Variants in RNF220 observed in about 807,000 individuals in gnomAD.
RNF220 encodes ring finger protein 220, also known as E3 ubiquitin-protein ligase RNF220.
RNF220 carries 7 observed loss-of-function variants against 67.1 expected under a neutral mutation model. The ratio of observed to expected loss-of-function variants is 0.10; its 90% CI spans 0.06 to 0.20. The LOEUF is 0.20. RNF220 is among the 10% of genes least tolerant of loss of function. The pLI, the probability that RNF220 is intolerant of heterozygous loss-of-function variation, is 1.00. For missense variants in RNF220, 565 were observed against 740.3 expected, an observed-to-expected ratio of 0.76 and a Z score of 2.75; for synonymous variants, 270 against 283.2, an observed-to-expected ratio of 0.95 and a Z score of 0.47.
intron 2 of RNF220, among the ~76,000 whole-genome samples, chr1:44,599,144 G>T (rs1424287807): frequency 3.3e-5 from 5 of 151,908 alleles, no homozygotes; most frequent in Non-Finnish European, 5.9e-5. Context: ...AGCTACTCTG[G>T]GCACACTGCC....
At chr1:44,430,348 GA>G (rs1457649186) in intron 2 of RNF220, among the ~76,000 whole-genome samples, 1 of 151,892 alleles carries the variant, frequency 6.6e-6, no homozygotes, top group Non-Finnish European at 1.5e-5. Flanking sequence ...AGGATATTAG[GA>G]AAAAACTAAG....
chr1:44,554,406 TCC>T lies in RNF220; in HGVS notation c.626-59756_626-59755del, dbSNP rs1662907961. The stretch of plus-strand genomic sequence containing the variant: ...TACCCTTACTCCTTTGCTGTCTTAC[TCC>T]CCTAGCCTAGAACTGGATCCCAAGC... On this transcript the variant is annotated intron_variant, in intron 2 of 14. Coordinates refer to ENST00000361799, the MANE Select transcript of RNF220 (RefSeq NM_018150.4). Among the ~76,000 whole-genome samples the T allele has an allele frequency of 2.6e-5, 4 of 151,770 alleles. No individual in the cohort carries two copies. The South Asian group carries it at 8.3e-4, about 31-fold the overall frequency.
At chr1:44,602,768 C>T (rs1414468725) in intron 2 of RNF220, among the ~76,000 whole-genome samples, 5 of 152,106 alleles carry the variant, frequency 3.3e-5, no homozygotes, top group Non-Finnish European at 7.4e-5. Flanking sequence ...CCACCCCATC[C>T]GGCCTGAGTG....
chr1:44,631,992 G>C, intron 5 of RNF220: 1 of 1,008,982 alleles, frequency 9.9e-7, no homozygotes, highest in Non-Finnish European at 1.2e-6. Context: ...CGCCGCCGCC[G>C]CTTGGAGCTG....
chr1:44,412,347 G>C lies in RNF220; in HGVS notation c.250G>C (p.Ala84Pro). 6.2e-7 allele frequency: 1 copy of C among 1,614,104 alleles called. No homozygotes were observed. Among genetic ancestry groups the C allele is most frequent in the Non-Finnish European group, 8.5e-7 (1 of 1,180,006 alleles). The change falls in exon 2 of 15, where the codon GCC (alanine) becomes CCC (proline). Residue 84 changes from alanine to proline, a missense_variant. Coordinates refer to ENST00000361799, the MANE Select transcript of RNF220 (RefSeq NM_018150.4). The surrounding 1 kb of genome is among the most constrained non-coding windows in gnomAD (Gnocchi z 5.3). ...HRQGGVPGTF[A>P]NRDFPPSLLH... ...GCAAGGTGGGGTGCCAGGCACTTTT[G>C]CCAATCGTGATTTCCCCCCTTCTCT...
chr1:44,417,490 G>A lies in RNF220; in HGVS notation c.625+4768G>A, dbSNP rs1245505963. On this transcript the variant is annotated intron_variant, in intron 2 of 14. Coordinates refer to ENST00000361799, the MANE Select transcript of RNF220 (RefSeq NM_018150.4). The surrounding 1 kb of genome is among the most constrained non-coding windows in gnomAD (Gnocchi z 4.0). ...CGGCGCGCCGCTCGCCTGGCGGCTG[G>A]GCTCGCTGTAGTTGTGCTCCCGCTC... Among the ~76,000 whole-genome samples, 1 of 152,090 alleles carries A rather than the reference G, an allele frequency of 6.6e-6. No homozygotes were observed. Among genetic ancestry groups the A allele is most frequent in the Non-Finnish European group, 1.5e-5 (1 of 68,006 alleles).
chr1:44,440,470 A>C (rs1538885), intron 2 of RNF220, among the ~76,000 whole-genome samples: 152,309 of 152,350 alleles, frequency 1, 76,134 homozygotes, highest in Non-Finnish European at 1. Flanking sequence ...GCCAGTTGCT[A>C]TTACAGAGAA....
chr1:44,520,085 TTGTGTGTGTG>T (rs1167831790), intron 2 of RNF220, among the ~76,000 whole-genome samples: 29 of 106,462 alleles, frequency 2.7e-4, no homozygotes, highest in African/African-American at 5.9e-4. Flanking sequence ...AAGTCCAGCA[TTGTGTGTGTG>T]TGTGTGTGTG....
intron 2 of RNF220, among the ~76,000 whole-genome samples, chr1:44,479,913 C>T (rs7538340): frequency 6.6e-6 from 1 of 152,188 alleles, no homozygotes; most frequent in African/African-American, 2.4e-5. Context: ...CCTCCTTCAC[C>T]TTTGCTAGTT....
intron 2 of RNF220, among the ~76,000 whole-genome samples, chr1:44,553,203 C>CAT (rs56113354): frequency 6.6e-6 from 1 of 151,500 alleles, no homozygotes. Flanking sequence ...ACCCACTCTT[C>CAT]TAATAAGGTT....
chr1:44,603,247 C>A (rs117157328), intron 2 of RNF220, among the ~76,000 whole-genome samples: 1 of 152,224 alleles, frequency 6.6e-6, no homozygotes, highest in Non-Finnish European at 1.5e-5. Flanking sequence ...TTTCAGCCGC[C>A]GGTCCGCTGT....
At chr1:44,418,171 C>A (rs545349386) in intron 2 of RNF220, among the ~76,000 whole-genome samples, 41 of 152,112 alleles carry the variant, frequency 2.7e-4, no homozygotes, top group African/African-American at 8.7e-4. Context: ...GCGCGGGAGG[C>A]GCTAGTGGGT....
At chr1:44,504,496 C>T (rs1658236669) in intron 2 of RNF220, among the ~76,000 whole-genome samples, 1 of 152,066 alleles carries the variant, frequency 6.6e-6, no homozygotes, top group African/African-American at 2.4e-5. Context: ...GGGGCTGATC[C>T]AGTATGGCAG....
chr1:44,546,898 C>T (rs1048348974), intron 2 of RNF220, among the ~76,000 whole-genome samples: 2 of 152,258 alleles, frequency 1.3e-5, no homozygotes, highest in African/African-American at 4.8e-5. Flanking sequence ...TGGCGGTCCT[C>T]TCTCACCTGC....
intron 2 of RNF220, among the ~76,000 whole-genome samples, chr1:44,453,805 A>G (rs948192485): frequency 3.9e-5 from 6 of 152,132 alleles, no homozygotes; most frequent in Non-Finnish European, 8.8e-5. Flanking sequence ...ATGGTTCTCA[A>G]ATGTTTGGTC....
intron 2 of RNF220, chr1:44,419,623 C>G (rs1648989932): frequency 6.6e-6 from 1 of 152,156 alleles, no homozygotes; most frequent in Admixed American, 6.5e-5. Flanking sequence ...CTAGTTTTTA[C>G]TTTAAGTTTT....
At chr1:44,408,518 A>AT (rs113820989) in intron 1 of RNF220, among the ~76,000 whole-genome samples, 27 of 151,874 alleles carry the variant, frequency 1.8e-4, no homozygotes, top group African/African-American at 3.6e-4. Flanking sequence ...TAAAAAAAAA[A>AT]TTTTTTTCCT....
chr1:44,416,409 G>A (rs1648536661), intron 2 of RNF220, among the ~76,000 whole-genome samples: 1 of 152,222 alleles, frequency 6.6e-6, no homozygotes, highest in African/African-American at 2.4e-5. Flanking sequence ...CACAACAAAA[G>A]GGAAGATAAG....
chr1:44,645,438 C>T lies in RNF220; in HGVS notation c.1395C>T (p.Ser465=), dbSNP rs776269679. 1 of 1,614,116 alleles carries T rather than the reference C, an allele frequency of 6.2e-7. No individual in the cohort carries two copies. Among genetic ancestry groups the T allele is most frequent in the South Asian group, 1.1e-5 (1 of 91,072 alleles). ...DEMPSTSNGE[S]SKQEAMQKTC... ...TGCCATCCACCAGCAATGGTGAAAG[C>T]AGCAAGCAGGAGGCCATGCAGAAGA... is the stretch of plus-strand genomic sequence containing the variant. Residue 465 remains serine, a synonymous_variant, in exon 12 of 15, where the codon AGC becomes AGT. Coordinates refer to ENST00000361799, the MANE Select transcript of RNF220 (RefSeq NM_018150.4). The surrounding 1 kb of genome is among the most constrained non-coding windows in gnomAD (Gnocchi z 5.0).
Sources: allele counts gnomAD v4.1 joint callset (sites outside exome capture counted in the v4.1 genomes callset), GRCh38; gene constraint gnomAD v4.1.1; non-coding constraint Gnocchi (gnomAD v3.1); transcripts MANE v1.5; gene names NCBI Gene and HGNC (gene_info 2026-07-23, HGNC 2026-07-21).